COL5A2: variants seen among roughly 807,000 people sequenced by gnomAD.
COL5A2 encodes the protein collagen type V alpha 2 chain.
Under a neutral mutation model 208.2 loss-of-function variants are expected in COL5A2, and 23 were observed. That is an observed-to-expected ratio of 0.11 (90% confidence interval 0.08 to 0.16). The LOEUF is 0.16. Among genes scored for constraint, COL5A2 ranks in the 10% least tolerant of loss-of-function variants. COL5A2 has a pLI of 1.00. For synonymous variants in COL5A2, 625 were observed against 628.5 expected (o/e 0.99, Z 0.08); for missense variants, 1,590 against 1,956.4 (o/e 0.81, Z 3.53).
chr2:189,112,078 G>T (rs1687294626), intron 1 of COL5A2, among the ~76,000 whole-genome samples: 1 of 151,990 alleles, frequency 6.6e-6, no homozygotes, highest in Non-Finnish European at 1.5e-5. Flanking sequence ...TGCCAGGCTG[G>T]TCTCCTGACC....
At chr2:189,149,763 G>C (rs1197143301) in intron 1 of COL5A2, among the ~76,000 whole-genome samples, 1 of 152,134 alleles carries the variant, frequency 6.6e-6, no homozygotes, top group Non-Finnish European at 1.5e-5. Context: ...TTTCAAGACT[G>C]TTTGGAAGCC....
At chr2:189,319,610 G>T in the COL5A2 span, among the ~76,000 whole-genome samples, 1 of 152,240 alleles carries the variant, frequency 6.6e-6, no homozygotes, top group Non-Finnish European at 1.5e-5. Context: ...CAGCAGCCAG[G>T]CTCGGGGAGG....
At chr2:189,230,545 T>G in the COL5A2 span, among the ~76,000 whole-genome samples, 1 of 151,778 alleles carries the variant, frequency 6.6e-6, no homozygotes, top group African/African-American at 2.4e-5. Context: ...AGATATATAT[T>G]CTAAGAAAAT....
rs776228988 is a variant in COL5A2, at chr2:189,064,569, A to G, written c.1704T>C (p.Leu568=). The G allele has an allele frequency of 3.7e-6, 6 of 1,613,410 alleles. No individual in the cohort carries two copies. Among genetic ancestry groups the G allele is most frequent in the Non-Finnish European group, 5.1e-6 (6 of 1,179,480 alleles). ...GDPGRPGEPG[L]PGARGLTGNP... is the part of the protein sequence containing the mutation. ...GCTATATTCTTACCCGAGCACCTGG[A>G]AGCCCAGGTTCCCCTGGACGTCCTG... is the stretch of plus-strand genomic sequence containing the variant. The change falls in exon 25 of 54, where the codon CTT becomes CTC. Residue 568 remains leucine (L), a synonymous_variant. Coordinates refer to ENST00000374866, the MANE Select transcript of COL5A2 (RefSeq NM_000393.5).
the COL5A2 span, among the ~76,000 whole-genome samples, chr2:189,330,667 C>G: frequency 6.6e-6 from 1 of 152,028 alleles, no homozygotes; most frequent in African/African-American, 2.4e-5. Flanking sequence ...GCTCAGGTCC[C>G]AAGCCATAAT....
the COL5A2 span, among the ~76,000 whole-genome samples, chr2:189,389,246 AAGTCTCTATC>A: frequency 1.3e-5 from 2 of 152,180 alleles, no homozygotes; most frequent in African/African-American, 2.4e-5. Flanking sequence ...AGTAGACAAT[AAGTCTCTATC>A]AGTCAGCACT....
chr2:189,321,522 T>C, the COL5A2 span, among the ~76,000 whole-genome samples: 3 of 152,130 alleles, frequency 2.0e-5, no homozygotes, highest in Non-Finnish European at 4.4e-5. Flanking sequence ...AATCCTAGTC[T>C]CTGATAAAAC....
At chr2:189,303,681 G>A in the COL5A2 span, among the ~76,000 whole-genome samples, 2 of 152,118 alleles carry the variant, frequency 1.3e-5, no homozygotes, top group Non-Finnish European at 2.9e-5. Flanking sequence ...GCTGAGTGTT[G>A]GCCAATCCCA....
At chr2:189,202,075 A>T (rs1177204737) in intron 1 of COL5A2, among the ~76,000 whole-genome samples, 1 of 151,750 alleles carries the variant, frequency 6.6e-6, no homozygotes, top group Non-Finnish European at 1.5e-5. Context: ...AGCTGGTAAG[A>T]GATTAAAGAT....
rs13430867 is a variant in COL5A2, at chr2:189,212,549, G to C, written c.-42+12599C>G. 2.9e-3 allele frequency among the ~76,000 whole-genome samples: 443 copies of C among 151,632 alleles called. 1 individual carries two copies. The highest frequency in any genetic ancestry group is 0.01 in the African/African-American group (417 of 41,308). On this transcript the variant is annotated intron_variant, in intron 1 of 10. Coordinates refer to the COL5A2 transcript ENST00000649966. ...AGCTACTCAGGAGGCTGAGGCAGGA[G>C]AATTGCTTGAACCCAGGAGGCAGAG...
At chr2:189,374,485 T>C in the COL5A2 span, among the ~76,000 whole-genome samples, 12 of 152,278 alleles carry the variant, frequency 7.9e-5, no homozygotes, top group Middle Eastern at 3.4e-3. Flanking sequence ...AGAGGACTAA[T>C]TTCATTAAAA....
chr2:189,416,339 A>G, the COL5A2 span, among the ~76,000 whole-genome samples: 4 of 152,242 alleles, frequency 2.6e-5, no homozygotes, highest in East Asian at 5.8e-4. Context: ...AGACTGGATT[A>G]AGAAAATGTG....
At chr2:189,258,279 T>C in the COL5A2 span, among the ~76,000 whole-genome samples, 217 of 152,344 alleles carry the variant, frequency 1.4e-3, 4 homozygotes, top group East Asian at 0.036. Flanking sequence ...GATAATTACA[T>C]TGATAATGCT....
intron 11 of COL5A2, among the ~76,000 whole-genome samples, chr2:189,084,314 T>A (rs776580063): frequency 6.6e-6 from 1 of 152,200 alleles, no homozygotes; most frequent in Non-Finnish European, 1.5e-5. Flanking sequence ...CACTATTTTA[T>A]GAACATCAAA....
chr2:189,155,838 T>C (rs906416744), intron 1 of COL5A2, among the ~76,000 whole-genome samples: 5 of 152,268 alleles, frequency 3.3e-5, no homozygotes, highest in Non-Finnish European at 5.9e-5. Flanking sequence ...ATCAAGATAT[T>C]GACAGGGCTG....
At chr2:189,051,733 T>C (rs1685793596) in intron 41 of COL5A2, among the ~76,000 whole-genome samples, 1 of 152,244 alleles carries the variant, frequency 6.6e-6, no homozygotes, top group East Asian at 1.9e-4. Context: ...TAAAGAGTGG[T>C]GCAACTAACT....
chr2:189,385,049 C>T, the COL5A2 span, among the ~76,000 whole-genome samples: 21 of 152,162 alleles, frequency 1.4e-4, 1 homozygote, highest in East Asian at 4.1e-3. Context: ...TTACTCAAGG[C>T]TTTTCAGTGT....
At chr2:189,040,154 T>A (rs1685528704) in intron 50 of COL5A2, among the ~76,000 whole-genome samples, 1 of 152,030 alleles carries the variant, frequency 6.6e-6, no homozygotes, top group African/African-American at 2.4e-5. Flanking sequence ...ACTGAAGAAA[T>A]AGTATTGGTT....
intron 44 of COL5A2, 142 bp downstream of exon 44, chr2:189,049,205 G>T: frequency 1.4e-6 from 1 of 694,906 alleles, no homozygotes. Flanking sequence ...CTCTAGGGAA[G>T]TAGAGTACAT....
Sources: allele counts gnomAD v4.1 joint callset (sites outside exome capture counted in the v4.1 genomes callset), GRCh38; gene constraint gnomAD v4.1.1; transcripts MANE v1.5; gene names NCBI Gene and HGNC (gene_info 2026-07-23, HGNC 2026-07-21).